ORMDL2: variants seen among roughly 807,000 people sequenced by gnomAD.
The protein encoded by ORMDL2 is ORM1-like protein 2.
In ORMDL2, 11 loss-of-function variants were observed where a neutral mutation model predicts 13.5. The ratio of observed to expected loss-of-function variants is 0.82; its 90% confidence interval spans 0.51 to 1.35. ORMDL2 has a LOEUF of 1.35. Ranked by LOEUF, ORMDL2 falls within the 40% of genes most tolerant of loss-of-function variation. ORMDL2 has a pLI of 0.00. For synonymous variants in ORMDL2, 73 were observed against 76.5 expected (o/e 0.95, Z 0.24); for missense variants, 160 against 191.1 (o/e 0.84, Z 0.96).
chr12:55,819,974 G>C (rs1456468476), intron 3 of ORMDL2, among the ~76,000 whole-genome samples: 2 of 152,172 alleles, frequency 1.3e-5, no homozygotes. Context: ...GATATAGCTG[G>C]AATAGTTTTA....
In ORMDL2 at chr12:55,819,154, CCAA is replaced by C. The variant is rs1565687267; in HGVS notation, c.157_159del (p.Asn53del). On this transcript the variant is annotated inframe_deletion, in exon 2 of 4. Transcript: ENST00000243045. ...AGCATTCCTGTTGTCTGGACCCTGA[CCAA>C]CGTCATCCATAACCTGGTGAGCACT... The C allele has an allele frequency of 1.2e-6, 2 of 1,614,094 alleles. No homozygotes were observed. The highest frequency in any genetic ancestry group is 1.7e-6 in the Non-Finnish European group (2 of 1,179,940).
Position 55,820,534 on chromosome 12 carries a change from A to C in ORMDL2, c.*139A>C. 2.0e-6 allele frequency: 2 copies of C among 1,018,134 alleles called. No individual in the cohort carries two copies. The highest frequency in any genetic ancestry group is 2.9e-5 in the South Asian group (2 of 68,118). The allele number at this position is 1,018,134 out of a possible 1,614,324, so 63.1% of individuals were successfully genotyped here. A position where few individuals can be genotyped will look rare whatever the true frequency, so the allele number is the denominator to read the frequency against. On this transcript the variant is annotated 3_prime_UTR_variant, in exon 4 of 4. Transcript: ENST00000243045. ...CTATACAACCTTTCCCAGACTCCCAAGAAGAGAAGAGATTGGCAAATGGGG... is the reference window on the plus strand; with the variant it reads ...CTATACAACCTTTCCCAGACTCCCACGAAGAGAAGAGATTGGCAAATGGGG...
intron 3 of ORMDL2, 39 bp from the exon 4 acceptor site, chr12:55,820,221 A>C: frequency 6.3e-7 from 1 of 1,577,382 alleles, no homozygotes. Context: ...ATGGATAGAG[A>C]AGGTCAACCT....
At chr12:55,818,136 G>C (rs746637911) in intron 1 of ORMDL2, 24 bp downstream of exon 1, 1 of 467,356 alleles carries the variant, frequency 2.1e-6, no homozygotes. Flanking sequence ...AGACTGTAAG[G>C]GTTGCTGAGG....
rs1189383451 is a variant in ORMDL2, at chr12:55,821,149, T to A, written c.*754T>A. On this transcript the variant is annotated 3_prime_UTR_variant, in exon 4 of 4. Transcript: ENST00000243045. ...CACCCAAGGGCAGTGGGCATGAATC[T>A]ACTTTTTAAAAATGATTAATTTTGG... 6.5e-6 allele frequency: 1 copy of A among 152,674 alleles called. No homozygotes were observed. Among genetic ancestry groups the A allele is most frequent in the Non-Finnish European group, 1.5e-5 (1 of 68,040 alleles). The allele number at this position is 152,674 out of a possible 1,614,324, so 9.5% of individuals were successfully genotyped here. A position where few individuals can be genotyped will look rare whatever the true frequency, so the allele number is the denominator to read the frequency against.
Position 55,820,531 on chromosome 12 carries a change from C to T in ORMDL2, c.*136C>T. 1 of 1,069,490 alleles carries T rather than the reference C, an allele frequency of 9.4e-7. No individual in the cohort carries two copies. Among genetic ancestry groups the T allele is most frequent in the East Asian group, 2.4e-5 (1 of 41,346 alleles). The allele number at this position is 1,069,490 out of a possible 1,614,324, so 66.3% of individuals were successfully genotyped here. On this transcript the variant is annotated 3_prime_UTR_variant, in exon 4 of 4. Coordinates refer to ENST00000243045, the MANE Select transcript of ORMDL2 (RefSeq NM_014182.5). ...GAACTATACAACCTTTCCCAGACTC[C>T]CAAGAAGAGAAGAGATTGGCAAATG...
rs1025471542 is a variant in ORMDL2, at chr12:55,820,266, C to T, written c.333C>T (p.Leu111=). ...FLSISPIVLY[L]LASFYTKYDA... ...TATTTTTTTCTCTCCCCAGCTATCTCCTGGCCAGCTTCTATACCAAGTATG... is the reference window on the plus strand; with the variant it reads ...TATTTTTTTCTCTCCCCAGCTATCTTCTGGCCAGCTTCTATACCAAGTATG... Residue 111 remains leucine, a synonymous_variant, in exon 4 of 4, where the codon CTC becomes CTT. Coordinates refer to ENST00000243045, the MANE Select transcript of ORMDL2 (RefSeq NM_014182.5). 1.2e-6 allele frequency: 2 copies of T among 1,612,168 alleles called. No individual in the cohort carries two copies. The highest frequency in any genetic ancestry group is 1.7e-6 in the Non-Finnish European group (2 of 1,178,740).
chr12:55,820,327 C>T lies in ORMDL2; in HGVS notation c.394C>T (p.Leu132=), dbSNP rs1880632913. 4 of 1,613,924 alleles carry T rather than the reference C, an allele frequency of 2.5e-6. No individual in the cohort carries two copies. In the South Asian group the frequency reaches 3.3e-5, roughly 13 times the overall value. The change falls in exon 4 of 4, where the codon CTA becomes TTA. Residue 132 remains leucine (L), a synonymous_variant. Coordinates refer to ENST00000243045, the MANE Select transcript of ORMDL2 (RefSeq NM_014182.5). ...CTTCCTCATCAACACAGCCTCATTG[C>T]TAAGTGTACTGCTGCCGAAGTTGCC... The part of the protein sequence containing the change: ...AHFLINTASL[L]SVLLPKLPQF...
In ORMDL2 at chr12:55,819,316, C is replaced by T. The variant is rs778301614; in HGVS notation, c.175-26C>T. 4.7e-5 allele frequency: 75 copies of T among 1,604,740 alleles called. No individual in the cohort carries two copies. In the South Asian group the frequency reaches 7.4e-4, roughly 16 times the overall value. On this transcript the variant is annotated intron_variant, in intron 2 of 3. Coordinates refer to ENST00000243045, the MANE Select transcript of ORMDL2 (RefSeq NM_014182.5). ...GACTGAAAAACTACTTTCTGCCCCT[C>T]ACACTGCCACCTTCCCTGTTCCCAG...
In ORMDL2 at chr12:55,819,388, C is replaced by T; in HGVS notation, c.221C>T (p.Thr74Ile). ...LHTVKGTPFE[T>I]PDQGKARLLT... ...ACGGTGAAAGGGACACCCTTTGAGA[C>T]TCCTGACCAAGGAAAGGCTCGGCTA... The change falls in exon 3 of 4, where the codon ACT becomes ATT. Residue 74 changes from threonine to isoleucine, a missense_variant. By Grantham distance (89) the Thr-to-Ile change is moderately conservative (BLOSUM62 -1). Coordinates refer to ENST00000243045, the MANE Select transcript of ORMDL2 (RefSeq NM_014182.5). The T allele has an allele frequency of 6.2e-7, 1 of 1,614,138 alleles. No homozygotes were observed. Among genetic ancestry groups the T allele is most frequent in the Non-Finnish European group, 8.5e-7 (1 of 1,180,016 alleles).
In ORMDL2 at chr12:55,820,289, A is replaced by T. The variant is rs145712498; in HGVS notation, c.356A>T (p.Tyr119Phe). The T allele has an allele frequency of 1.2e-6, 2 of 1,613,766 alleles. No individual in the cohort carries two copies. Among genetic ancestry groups the T allele is most frequent in the African/African-American group, 1.3e-5 (1 of 75,002 alleles). The part of the protein sequence containing the change: ...LYLLASFYTK[Y>F]DAAHFLINTA... ...CTCCTGGCCAGCTTCTATACCAAGTATGATGCTGCGCACTTCCTCATCAAC... is the reference window on the plus strand; with the variant it reads ...CTCCTGGCCAGCTTCTATACCAAGTTTGATGCTGCGCACTTCCTCATCAAC... Residue 119 changes from tyrosine (Y) to phenylalanine (F), a missense_variant, in exon 4 of 4, where the codon TAT becomes TTT. Tyr to Phe is a conservative substitution (Grantham distance 22). Transcript: ENST00000243045.
In ORMDL2 at chr12:55,821,809, A is replaced by G; in HGVS notation, c.*1414A>G. 4.7e-6 allele frequency: 3 copies of G among 635,354 alleles called. No individual in the cohort carries two copies. The highest frequency in any genetic ancestry group is 7.3e-6 in the Non-Finnish European group (3 of 410,882). The allele number at this position is 635,354 out of a possible 1,614,324, so 39.4% of individuals were successfully genotyped here. A position where few individuals can be genotyped will look rare whatever the true frequency, so the allele number is the denominator to read the frequency against. On this transcript the variant is annotated 3_prime_UTR_variant, in exon 4 of 4. Coordinates refer to ENST00000243045, the MANE Select transcript of ORMDL2 (RefSeq NM_014182.5). The stretch of plus-strand genomic sequence containing the variant: ...GAGACAGAGGTTGCAGTAAGCTGAG[A>G]TCACACCACTGCACTCCAGCTGGGC...
In ORMDL2 at chr12:55,819,023, C is replaced by T. The variant is rs139659445; in HGVS notation, c.24C>T (p.Ser8=). 2.2e-5 allele frequency: 36 copies of T among 1,613,924 alleles called. No individual in the cohort carries two copies. In the African/African-American group the frequency reaches 3.5e-4, roughly 16 times the overall value. The part of the protein sequence containing the change: MNVGVAH[S]EVNPNTRVMN... ...GGATGAATGTGGGGGTGGCACACAGCGAAGTAAACCCCAACACCCGAGTGA... is the reference window on the plus strand; with the variant it reads ...GGATGAATGTGGGGGTGGCACACAGTGAAGTAAACCCCAACACCCGAGTGA... Residue 8 remains serine (S), a synonymous_variant, in exon 2 of 4, where the codon AGC becomes AGT. Coordinates refer to ENST00000243045, the MANE Select transcript of ORMDL2 (RefSeq NM_014182.5).
intron 3 of ORMDL2, among the ~76,000 whole-genome samples, chr12:55,819,839 T>C (rs773337370): frequency 1.8e-4 from 28 of 152,210 alleles, no homozygotes; most frequent in Non-Finnish European, 7.3e-5. Context: ...CAAAGAGGAC[T>C]GTAACAGTCA....
rs753962969 is a variant in ORMDL2 at position 55,818,075 on chromosome 12, C to T, written c.-39C>T. ...TGGAGACTTCAGGTGTGGTAGCCGG[C>T]GCCGCGCCCATAGCCGGACGGGGAT... On this transcript the variant is annotated 5_prime_UTR_variant, in exon 1 of 4. Coordinates refer to ENST00000243045, the MANE Select transcript of ORMDL2 (RefSeq NM_014182.5). 3.8e-6 allele frequency: 2 copies of T among 520,442 alleles called. No individual in the cohort carries two copies. Among genetic ancestry groups the T allele is most frequent in the Non-Finnish European group, 7.4e-6 (2 of 269,750 alleles). 32.2% of individuals were successfully genotyped at this position (520,442 alleles called of 1,614,324 possible). A position where few individuals can be genotyped will look rare whatever the true frequency, so the allele number is the denominator to read the frequency against.
chr12:55,819,320 C>T (rs771408698), intron 2 of ORMDL2, 22 bp from the exon 3 acceptor site: 12 of 1,606,784 alleles, frequency 7.5e-6, no homozygotes, highest in Admixed American at 1.7e-5. Context: ...GCCCCTCACA[C>T]TGCCACCTTC....
chr12:55,819,608 G>A (rs1314099461), intron 3 of ORMDL2, 115 bp downstream of exon 3: 1 of 886,678 alleles, frequency 1.1e-6, no homozygotes, highest in African/African-American at 1.7e-5. Flanking sequence ...ACCCTTTGAA[G>A]ATATTATGGT....
At chr12:55,818,597 T>A (rs1235971903) in intron 1 of ORMDL2, 1 of 193,584 alleles carries the variant, frequency 5.2e-6, no homozygotes, top group African/African-American at 2.3e-5. Flanking sequence ...TACTCTGTCA[T>A]CCCTTCTTAG....
chr12:55,819,667 A>C (rs547039072), intron 3 of ORMDL2, among the ~76,000 whole-genome samples, 174 bp downstream of exon 3: 1 of 152,348 alleles, frequency 6.6e-6, no homozygotes, highest in East Asian at 1.9e-4. Flanking sequence ...ATTACAGTCA[A>C]TACTGTAATC....
Sources: allele counts gnomAD v4.1 joint callset (sites outside exome capture counted in the v4.1 genomes callset), GRCh38; gene constraint gnomAD v4.1.1; transcripts MANE v1.5; gene names NCBI Gene and HGNC (gene_info 2026-07-23, HGNC 2026-07-21).